The following CNTN5 variants were observed in gnomAD, a reference collection of about 807,000 sequenced individuals.
The protein encoded by CNTN5 is contactin-5.
In CNTN5, 77 loss-of-function variants were observed where a neutral mutation model predicts 129.1. That is an observed-to-expected ratio of 0.60 (90% CI 0.50 to 0.72). The LOEUF (loss-of-function observed/expected upper bound fraction) is 0.72. Ranked by LOEUF, CNTN5 falls within the 30% of genes least tolerant of loss-of-function variation. The pLI is 0.00. For synonymous variants in CNTN5, 509 were observed against 465.6 expected (o/e 1.09, Z -1.20); for missense variants, 1,478 against 1,328.8 (o/e 1.11, Z -1.75).
At chr11:99,080,423 T>C (rs1565301210) in intron 1 of CNTN5, among the ~76,000 whole-genome samples, 2 of 152,148 alleles carry the variant, frequency 1.3e-5, no homozygotes, top group African/African-American at 4.8e-5. Context: ...CCCACGTTCG[T>C]TCCATTTTCT....
intron 13 of CNTN5, among the ~76,000 whole-genome samples, chr11:100,134,087 T>C (rs1591297882): frequency 6.6e-6 from 1 of 152,254 alleles, no homozygotes; most frequent in East Asian, 1.9e-4. Flanking sequence ...ATGATATCTT[T>C]AAACTCCTTA....
rs1946735388 is a variant in CNTN5 at position 99,819,749 on chromosome 11, T to C, written c.261T>C (p.Asp87=). ...CCATCAATCTTTATCATTCCTCAGA[T>C]GCCTTCAAACAAGATGGTAAGTGTC... The part of the protein sequence containing the change: ...YSPINLYHSS[D]AFKQDESVDY... The change falls in exon 4 of 25, where the codon GAT becomes GAC. Residue 87 remains aspartate (D), a synonymous_variant. Transcript: ENST00000524871. 2 of 1,580,626 alleles carry C rather than the reference T, an allele frequency of 1.3e-6. No individual in the cohort carries two copies. Among genetic ancestry groups the C allele is most frequent in the African/African-American group, 1.3e-5 (1 of 74,354 alleles).
intron 9 of CNTN5, among the ~76,000 whole-genome samples, chr11:100,007,933 C>A (rs1385136239): frequency 6.6e-6 from 1 of 151,970 alleles, no homozygotes; most frequent in Non-Finnish European, 1.5e-5. Flanking sequence ...TTCACTTGAA[C>A]ACTTAGAAAC....
At chr11:99,134,092 A>G (rs1468684142) in intron 1 of CNTN5, among the ~76,000 whole-genome samples, 2 of 152,160 alleles carry the variant, frequency 1.3e-5, no homozygotes, top group Admixed American at 1.3e-4. Context: ...ATGAAATCAT[A>G]TCTTTTGCAG....
intron 3 of CNTN5, among the ~76,000 whole-genome samples, chr11:99,583,951 T>C (rs1486009755): frequency 2.6e-5 from 4 of 152,166 alleles, no homozygotes; most frequent in Non-Finnish European, 5.9e-5. Context: ...CTGTTTGTAT[T>C]CGGCCATCTT....
intron 17 of CNTN5, among the ~76,000 whole-genome samples, chr11:100,256,522 T>C (rs1385438090): frequency 6.6e-6 from 1 of 152,136 alleles, no homozygotes; most frequent in African/African-American, 2.4e-5. Context: ...GATGGCTGAA[T>C]AGGAATAGCT....
At chr11:99,684,370 A>G (rs1213245150) in intron 3 of CNTN5, among the ~76,000 whole-genome samples, 1 of 151,936 alleles carries the variant, frequency 6.6e-6, no homozygotes, top group Non-Finnish European at 1.5e-5. Context: ...TATTGAATAC[A>G]TGTATTATGA....
Position 99,344,785 on chromosome 11 carries a change from A to C in CNTN5, c.-71+19301A>C, listed in dbSNP as rs189725351. On this transcript the variant is annotated intron_variant, in intron 2 of 24. Coordinates refer to ENST00000524871, the MANE Select transcript of CNTN5 (RefSeq NM_014361.4). Reference sequence around the variant, plus strand: ...AATGACTGACTTTGGAGACCCAGCTAAGGGAGCATTCAAAAATAAGAAAAG... The same window carrying C: ...AATGACTGACTTTGGAGACCCAGCTCAGGGAGCATTCAAAAATAAGAAAAG... Among the ~76,000 whole-genome samples the C allele has an allele frequency of 6.7e-3, 1,020 of 152,292 alleles. 2 individuals are homozygous for C. Among genetic ancestry groups the C allele is most frequent in the Non-Finnish European group, 0.011 (744 of 67,998 alleles).
intron 7 of CNTN5, among the ~76,000 whole-genome samples, chr11:99,918,106 A>C (rs1224887702): frequency 6.6e-6 from 1 of 152,108 alleles, no homozygotes; most frequent in African/African-American, 2.4e-5. Context: ...GGAAATCTAC[A>C]AATCATTGAT....
chr11:99,127,559 G>A (rs1858704684), intron 1 of CNTN5, among the ~76,000 whole-genome samples: 1 of 152,252 alleles, frequency 6.6e-6, no homozygotes, highest in South Asian at 2.1e-4. Context: ...TCCTCTTCAA[G>A]ATCTCACTTC....
At chr11:99,927,689 C>A (rs1020034103) in intron 7 of CNTN5, among the ~76,000 whole-genome samples, 1 of 152,162 alleles carries the variant, frequency 6.6e-6, no homozygotes, top group African/African-American at 2.4e-5. Flanking sequence ...TAAATTACCT[C>A]TCACCAGGTC....
chr11:99,790,639 G>A (rs1039284060), intron 3 of CNTN5, among the ~76,000 whole-genome samples: 1 of 152,068 alleles, frequency 6.6e-6, no homozygotes, highest in Non-Finnish European at 1.5e-5. Flanking sequence ...ATATACACAT[G>A]CATGTGTTTT....
intron 3 of CNTN5, among the ~76,000 whole-genome samples, chr11:99,687,690 C>G (rs1220087172): frequency 6.6e-6 from 1 of 152,142 alleles, no homozygotes; most frequent in Non-Finnish European, 1.5e-5. Flanking sequence ...ATTGATACCA[C>G]TAGAGACACA....
intron 1 of CNTN5, among the ~76,000 whole-genome samples, chr11:99,163,560 T>C (rs1860722344): frequency 6.6e-6 from 1 of 152,192 alleles, no homozygotes; most frequent in East Asian, 1.9e-4. Context: ...TTTTAAATAA[T>C]GTCATACTTT....
intron 2 of CNTN5, among the ~76,000 whole-genome samples, chr11:99,525,422 G>T (rs1283866034): frequency 6.6e-6 from 1 of 152,142 alleles, no homozygotes; most frequent in Non-Finnish European, 1.5e-5. Flanking sequence ...TACTTCTAGT[G>T]CACAGATGAA....
At chr11:99,099,353 A>C (rs1866615270) in intron 1 of CNTN5, among the ~76,000 whole-genome samples, 1 of 152,274 alleles carries the variant, frequency 6.6e-6, no homozygotes, top group South Asian at 2.1e-4. Flanking sequence ...TTTTAGCTTG[A>C]AAGGCACCAT....
chr11:99,499,058 CT>C (rs1946333173), intron 2 of CNTN5, among the ~76,000 whole-genome samples: 1 of 152,102 alleles, frequency 6.6e-6, no homozygotes, highest in South Asian at 2.1e-4. Flanking sequence ...TTACTGCTTT[CT>C]TTCTCAATCA....
At chr11:99,432,455 C>G (rs542078814) in intron 2 of CNTN5, among the ~76,000 whole-genome samples, 3 of 127,992 alleles carry the variant, frequency 2.3e-5, no homozygotes, top group Admixed American at 8.2e-5. Context: ...CTTTTCTTTT[C>G]TTTTCTTTCC....
At chr11:99,694,346 T>A (rs572385464) in intron 3 of CNTN5, among the ~76,000 whole-genome samples, 1 of 152,264 alleles carries the variant, frequency 6.6e-6, no homozygotes, top group Admixed American at 6.5e-5. Flanking sequence ...CATTTCATTG[T>A]CAGAGCTGAG....
Sources: gnomAD v4.1 joint callset for allele counts (sites outside exome capture counted in the v4.1 genomes callset) on GRCh38, gnomAD v4.1.1 for gene constraint, MANE v1.5 for transcripts, NCBI Gene and HGNC (gene_info 2026-07-23, HGNC 2026-07-21) for gene names.